YEATS2: variants seen among roughly 807,000 people sequenced by gnomAD.
YEATS2 encodes the protein YEATS domain containing 2.
A neutral mutation model predicts 163.2 loss-of-function variants in YEATS2; 77 were observed. That is an observed-to-expected ratio of 0.47 (90% CI 0.39 to 0.57). YEATS2 has a LOEUF of 0.57. Ranked by LOEUF, YEATS2 falls within the 20% of genes least tolerant of loss-of-function variation. The pLI is 0.00. For synonymous variants in YEATS2, 631 were observed against 645.1 expected, an observed-to-expected ratio of 0.98 and a Z score of 0.33; for missense variants, 1,549 against 1,729.8, an observed-to-expected ratio of 0.90 and a Z score of 1.85.
chr3:183,747,106 G>T (rs888994947), intron 8 of YEATS2, among the ~76,000 whole-genome samples: 7 of 152,028 alleles, frequency 4.6e-5, no homozygotes, highest in Admixed American at 3.9e-4. Flanking sequence ...AACAAATCAT[G>T]ATGCCAGTAT....
At chr3:183,804,246 T>C (rs1244806221) in intron 27 of YEATS2, 58 bp downstream of exon 27, 1 of 1,595,068 alleles carries the variant, frequency 6.3e-7, no homozygotes. Context: ...TTTGCTGAGG[T>C]AGAGAGAGAT....
intron 15 of YEATS2, among the ~76,000 whole-genome samples, chr3:183,768,128 TTAAG>T (rs1225397899): frequency 2.0e-5 from 3 of 152,202 alleles, no homozygotes; most frequent in Non-Finnish European, 4.4e-5. Flanking sequence ...CACCAGAACT[TTAAG>T]TAAGTTTATT....
chr3:183,763,036 G>C (rs1255173599), intron 15 of YEATS2, among the ~76,000 whole-genome samples: 1 of 150,094 alleles, frequency 6.7e-6, no homozygotes, highest in East Asian at 2.0e-4. Context: ...GGGTGACAGA[G>C]AGAGACTCTG....
At chr3:183,716,652 T>C (rs776536367) in intron 2 of YEATS2, among the ~76,000 whole-genome samples, 5 of 152,162 alleles carry the variant, frequency 3.3e-5, no homozygotes, top group Non-Finnish European at 5.9e-5. Context: ...GGCATAACTT[T>C]TTAAAATAAA....
intron 5 of YEATS2, among the ~76,000 whole-genome samples, chr3:183,722,792 A>G (rs1328846150): frequency 6.6e-6 from 1 of 152,116 alleles, no homozygotes; most frequent in Non-Finnish European, 1.5e-5. Context: ...AGCTGGGATT[A>G]GAGGCATGTG....
intron 7 of YEATS2, among the ~76,000 whole-genome samples, chr3:183,732,582 C>CA (rs1717909577): frequency 6.6e-6 from 1 of 151,314 alleles, no homozygotes; most frequent in African/African-American, 2.4e-5. Flanking sequence ...TTTTTTGAGA[C>CA]AGAGTCTCGC....
chr3:183,749,448 C>T (rs567382010), intron 9 of YEATS2, among the ~76,000 whole-genome samples: 5 of 152,038 alleles, frequency 3.3e-5, no homozygotes, highest in Admixed American at 2.0e-4. Context: ...CTCCTCCCGC[C>T]CCCCCAGCAC....
chr3:183,772,782 CAT>C (rs1455938547), intron 16 of YEATS2, among the ~76,000 whole-genome samples: 17 of 148,596 alleles, frequency 1.1e-4, no homozygotes, highest in African/African-American at 3.7e-4. Context: ...CACACACCCA[CAT>C]ACACACACAC....
chr3:183,767,354 G>C (rs748911328), intron 15 of YEATS2, among the ~76,000 whole-genome samples: 1 of 151,698 alleles, frequency 6.6e-6, no homozygotes, highest in Non-Finnish European at 1.5e-5. Flanking sequence ...GCCTTAGCTG[G>C]GATCGCAGGC....
Position 183,756,637 on chromosome 3 carries a change from TATC to T in YEATS2, c.1503_1505del (p.Ile501del). ...GCTCTGTTATTAATAATCCTTATGT[TATC>T]ATGGACAAGCAGCCGGGGCAGGTGA... On this transcript the variant is annotated inframe_deletion, in exon 12 of 31. Coordinates refer to ENST00000305135, the MANE Select transcript of YEATS2 (RefSeq NM_018023.5). The T allele has an allele frequency of 1.3e-6, 2 of 1,599,646 alleles. No individual in the cohort carries two copies. Among genetic ancestry groups the T allele is most frequent in the South Asian group, 2.3e-5 (2 of 86,924 alleles).
intron 27 of YEATS2, among the ~76,000 whole-genome samples, chr3:183,805,327 G>A (rs1487734248): frequency 6.6e-6 from 1 of 151,866 alleles, no homozygotes; most frequent in African/African-American, 2.4e-5. Context: ...TTGAGCCCGG[G>A]AGGTTGAGGC....
At chr3:183,743,310 C>T (rs1010296753) in intron 8 of YEATS2, among the ~76,000 whole-genome samples, 9 of 152,076 alleles carry the variant, frequency 5.9e-5, no homozygotes, top group Admixed American at 2.0e-4. Flanking sequence ...TTGGTTTTCT[C>T]AAATATTTTT....
intron 1 of YEATS2, among the ~76,000 whole-genome samples, chr3:183,699,782 T>C (rs1713869121): frequency 6.6e-6 from 1 of 152,158 alleles, no homozygotes; most frequent in African/African-American, 2.4e-5. Context: ...AAGAGGTGTT[T>C]CTGGAAGATG....
intron 1 of YEATS2, among the ~76,000 whole-genome samples, chr3:183,704,865 G>GTT (rs1047610804): frequency 2.3e-4 from 35 of 152,170 alleles, no homozygotes; most frequent in African/African-American, 8.2e-4. Flanking sequence ...CTGTCCTCAA[G>GTT]TGATCCACCC....
intron 19 of YEATS2, among the ~76,000 whole-genome samples, chr3:183,778,783 G>C (rs1723268325): frequency 6.6e-6 from 1 of 152,060 alleles, no homozygotes; most frequent in African/African-American, 2.4e-5. Context: ...TTTATTGGAA[G>C]AGTTTATATA....
At chr3:183,766,023 G>A (rs1414224781) in intron 15 of YEATS2, among the ~76,000 whole-genome samples, 1 of 152,086 alleles carries the variant, frequency 6.6e-6, no homozygotes, top group African/African-American at 2.4e-5. Flanking sequence ...TACAACTTTG[G>A]GACAACAGAA....
chr3:183,806,543 G>C, intron 27 of YEATS2: 1 of 442,118 alleles, frequency 2.3e-6, no homozygotes, highest in Non-Finnish European at 4.3e-6. Flanking sequence ...CCAGATTTGA[G>C]ATGAGGAAAA....
chr3:183,752,351 A>C, intron 10 of YEATS2, 98 bp downstream of exon 10: 1 of 1,395,922 alleles, frequency 7.2e-7, no homozygotes, highest in East Asian at 2.3e-5. Flanking sequence ...TAACTTTGCT[A>C]TAAGTGGACA....
chr3:183,710,120 A>AT (rs1274775060), intron 1 of YEATS2, among the ~76,000 whole-genome samples: 3 of 152,138 alleles, frequency 2.0e-5, no homozygotes, highest in African/African-American at 4.8e-5. Flanking sequence ...ATGATAACAG[A>AT]TTTTTTTCCT....
Sources: allele counts gnomAD v4.1 joint callset (sites outside exome capture counted in the v4.1 genomes callset), GRCh38; gene constraint gnomAD v4.1.1; transcripts MANE v1.5; gene names NCBI Gene and HGNC (gene_info 2026-07-23, HGNC 2026-07-21).